The following HMCES variants were observed in gnomAD, a reference collection of about 807,000 sequenced individuals.
HMCES encodes 5-hydroxymethylcytosine binding, ES cell specific.
In HMCES, 27 loss-of-function variants were observed where a neutral mutation model predicts 35.1. The ratio of observed to expected loss-of-function variants is 0.77; its 90% CI spans 0.57 to 1.06. The LOEUF is 1.06. HMCES is among the 50% of genes least tolerant of loss of function. The pLI, the probability that HMCES is intolerant of heterozygous loss-of-function variation, is 0.00. For synonymous variants in HMCES, 130 were observed against 154.7 expected, an observed-to-expected ratio of 0.84 and a Z score of 1.18; for missense variants, 391 against 430.4, an observed-to-expected ratio of 0.91 and a Z score of 0.81.
At chr3:129,301,860 T>G in intron 5 of HMCES, 90 bp from the exon 6 acceptor site, 1 of 1,032,720 alleles carries the variant, frequency 9.7e-7, no homozygotes, top group Non-Finnish European at 1.4e-6. Context: ...CCTTGTGATA[T>G]TTGAGGTATC....
chr3:129,292,282 T>G (rs2071028330), intron 4 of HMCES, among the ~76,000 whole-genome samples: 1 of 151,794 alleles, frequency 6.6e-6, no homozygotes, highest in African/African-American at 2.4e-5. Context: ...GTCATCTCAT[T>G]TTGGGGACTG....
intron 3 of HMCES, 146 bp downstream of exon 3, chr3:129,289,143 T>C (rs1271254808): frequency 1.6e-6 from 1 of 609,758 alleles, no homozygotes; most frequent in Non-Finnish European, 2.6e-6. Flanking sequence ...GAATGCTATT[T>C]TGTTACTACA....
intron 3 of HMCES, 74 bp from the exon 4 acceptor site, chr3:129,290,605 G>A: frequency 6.6e-7 from 1 of 1,506,478 alleles, no homozygotes. Context: ...TTTAATTCAA[G>A]TTCTCCAAGT....
rs544434095 is a variant in HMCES, at chr3:129,289,393, C to T, written c.327+396C>T. 7.2e-5 allele frequency among the ~76,000 whole-genome samples: 11 copies of T among 152,270 alleles called. No individual in the cohort carries two copies. In the East Asian group the frequency reaches 1.9e-3, roughly 27 times the overall value. On this transcript the variant is annotated intron_variant, in intron 3 of 6. Transcript: ENST00000383463. ...GCCTAGCTCGAGGGTGTCAGGGTAG[C>T]CAGGCTTCTGTTACGGTGACTCATT...
chr3:129,298,338 T>C lies in HMCES; in HGVS notation c.454-16T>C. On this transcript the variant is annotated splice_polypyrimidine_tract_variant and intron_variant, in intron 4 of 6. Coordinates refer to ENST00000383463, the MANE Select transcript of HMCES (RefSeq NM_020187.3). ...CTGCTGAGTGCATCTAATCTGCCCA[T>C]ATATTTTGCTTCCAGTCAGGTAGCA... 6.2e-7 allele frequency: 1 copy of C among 1,613,634 alleles called. No individual in the cohort carries two copies. Among genetic ancestry groups the C allele is most frequent in the Admixed American group, 1.7e-5 (1 of 60,020 alleles).
At chr3:129,285,145 T>G in intron 2 of HMCES, among the ~76,000 whole-genome samples, 1 of 152,224 alleles carries the variant, frequency 6.6e-6, no homozygotes, top group East Asian at 1.9e-4. Context: ...TAATTTCTTC[T>G]TTTAACAAAA....
intron 2 of HMCES, among the ~76,000 whole-genome samples, chr3:129,281,619 A>G (rs916436059): frequency 2.0e-5 from 3 of 152,018 alleles, no homozygotes; most frequent in African/African-American, 7.2e-5. Flanking sequence ...TGAACCCGGG[A>G]GGCGAAGGTT....
At chr3:129,298,782 T>C (rs1183888182) in intron 5 of HMCES, among the ~76,000 whole-genome samples, 1 of 152,072 alleles carries the variant, frequency 6.6e-6, no homozygotes, top group African/African-American at 2.4e-5. Context: ...CAGTGACACA[T>C]TAAAAAAATA....
chr3:129,293,399 A>C (rs2071047994), intron 4 of HMCES, among the ~76,000 whole-genome samples: 1 of 152,088 alleles, frequency 6.6e-6, no homozygotes, highest in South Asian at 2.1e-4. Flanking sequence ...TAAAAAAGAA[A>C]ATTCCCAGTC....
Position 129,291,310 on chromosome 3 carries a change from G to C in HMCES, c.453+506G>C, listed in dbSNP as rs144115846. ...GAATGTTTTAGTATGTTCAAAGTATGCAATTATTACCTCTATTTTTAGAAT... is the reference window on the plus strand; with the variant it reads ...GAATGTTTTAGTATGTTCAAAGTATCCAATTATTACCTCTATTTTTAGAAT... On this transcript the variant is annotated intron_variant, in intron 4 of 6. Transcript: ENST00000383463. 8.7e-3 allele frequency among the ~76,000 whole-genome samples: 1,329 copies of C among 152,296 alleles called. 21 individuals carry two copies. Among genetic ancestry groups the C allele is most frequent in the African/African-American group, 0.03 (1,257 of 41,564 alleles).
intron 4 of HMCES, among the ~76,000 whole-genome samples, chr3:129,294,924 G>A (rs2071073242): frequency 6.6e-6 from 1 of 151,894 alleles, no homozygotes; most frequent in Admixed American, 6.6e-5. Flanking sequence ...TCGGGAGGCC[G>A]AGGTGGGCGG....
At chr3:129,295,749 A>G (rs1354338465) in intron 4 of HMCES, among the ~76,000 whole-genome samples, 1 of 151,994 alleles carries the variant, frequency 6.6e-6, no homozygotes, top group Non-Finnish European at 1.5e-5. Context: ...TGCTGCTCTC[A>G]CCACCTTCCC....
chr3:129,291,824 C>T (rs1166189748), intron 4 of HMCES, among the ~76,000 whole-genome samples: 1 of 152,196 alleles, frequency 6.6e-6, no homozygotes, highest in Non-Finnish European at 1.5e-5. Flanking sequence ...GGCACGGTTG[C>T]TCATGCCTGT....
chr3:129,292,492 T>A (rs1420633950), intron 4 of HMCES, among the ~76,000 whole-genome samples: 1 of 150,002 alleles, frequency 6.7e-6, no homozygotes, highest in Non-Finnish European at 1.5e-5. Context: ...GTTTTTTTTT[T>A]TCTTCTTTTT....
chr3:129,304,042 G>A (rs1241136198), intron 6 of HMCES, among the ~76,000 whole-genome samples: 5 of 152,144 alleles, frequency 3.3e-5, no homozygotes, highest in Non-Finnish European at 7.4e-5. Context: ...ACTGTACCTA[G>A]CCCTGCCATG....
intron 5 of HMCES, among the ~76,000 whole-genome samples, chr3:129,300,540 T>C (rs2107698659): frequency 6.6e-6 from 1 of 152,308 alleles, no homozygotes; most frequent in African/African-American, 2.4e-5. Context: ...CTGAAAAGAA[T>C]GCAGTGTGAC....
At chr3:129,284,773 G>A (rs1374763139) in intron 2 of HMCES, among the ~76,000 whole-genome samples, 3 of 152,202 alleles carry the variant, frequency 2.0e-5, no homozygotes, top group Non-Finnish European at 1.5e-5. Context: ...TTAGCTGGGC[G>A]TAGTGGCACA....
chr3:129,286,788 G>A (rs1940649192), intron 2 of HMCES, among the ~76,000 whole-genome samples: 1 of 151,670 alleles, frequency 6.6e-6, no homozygotes. Flanking sequence ...CTGAACCATT[G>A]TAGTAACACC....
At position 129,280,040 on chromosome 3, in the gene HMCES, C is replaced by T. The variant is rs1940426337; in HGVS notation, c.183+125C>T. The T allele has an allele frequency of 5.2e-6, 4 of 770,650 alleles. No individual in the cohort carries two copies. The South Asian group carries it at 9.2e-5, about 18-fold the overall frequency. 47.7% of individuals were successfully genotyped at this position (770,650 alleles called of 1,614,324 possible). On this transcript the variant is annotated intron_variant, in intron 2 of 6. Coordinates refer to ENST00000383463, the MANE Select transcript of HMCES (RefSeq NM_020187.3). ...ACCAGCCTTTACTGATATATTCTGACTTCCAGTTGAGAACCTCTCTTGGCC... is the reference window on the plus strand; with the variant it reads ...ACCAGCCTTTACTGATATATTCTGATTTCCAGTTGAGAACCTCTCTTGGCC...
Sources: gnomAD v4.1 joint callset for allele counts (sites outside exome capture counted in the v4.1 genomes callset) on GRCh38, gnomAD v4.1.1 for gene constraint, MANE v1.5 for transcripts, NCBI Gene and HGNC (gene_info 2026-07-23, HGNC 2026-07-21) for gene names.